Variants in STAG1 observed in about 807,000 individuals in gnomAD.
The protein encoded by STAG1 is cohesin subunit SA-1.
In STAG1, 26 loss-of-function variants were observed where a neutral mutation model predicts 170.9. The ratio of observed to expected loss-of-function variants is 0.15; its 90% CI spans 0.11 to 0.21. The LOEUF (loss-of-function observed/expected upper bound fraction) is 0.21. Among genes scored for constraint, STAG1 ranks in the 10% least tolerant of loss-of-function variants. The pLI is 1.00. For synonymous variants in STAG1, 514 were observed against 497.7 expected, an observed-to-expected ratio of 1.03 and a Z score of -0.44; for missense variants, 964 against 1,509.5, an observed-to-expected ratio of 0.64 and a Z score of 5.99.
intron 1 of STAG1, among the ~76,000 whole-genome samples, chr3:136,714,981 T>C (rs1205214633): frequency 3.7e-5 from 4 of 109,552 alleles, no homozygotes; most frequent in Non-Finnish European, 6.2e-5. Context: ...TATATATTTT[T>C]ATATATATAT....
intron 13 of STAG1, among the ~76,000 whole-genome samples, chr3:136,463,695 C>A (rs575200458): frequency 7.2e-6 from 1 of 139,816 alleles, no homozygotes; most frequent in Non-Finnish European, 1.5e-5. Flanking sequence ...CTGGGCAAGA[C>A]AGCAAGACCC....
In STAG1 at chr3:136,579,441, G is replaced by A. The variant is rs192573835; in HGVS notation, c.298-10580C>T. On this transcript the variant is annotated intron_variant, in intron 4 of 33. Transcript: ENST00000383202. ...TTAGGCTGCAATCAAGGCACTTACCGTGCTGCATTCTAATCTGGATGCTCA... is the reference window on the plus strand; with the variant it reads ...TTAGGCTGCAATCAAGGCACTTACCATGCTGCATTCTAATCTGGATGCTCA... Among the ~76,000 whole-genome samples, 42 of 152,234 alleles carry A rather than the reference G, an allele frequency of 2.8e-4. No homozygotes were observed. In the East Asian group the frequency reaches 6.9e-3, roughly 25 times the overall value.
intron 12 of STAG1, 150 bp from the exon 13 acceptor site, chr3:136,465,138 T>C: frequency 1.8e-6 from 1 of 542,910 alleles, no homozygotes; most frequent in East Asian, 3.2e-5. Flanking sequence ...ATGTTTCCCC[T>C]TTAAGTATAA....
In STAG1 at chr3:136,734,271, C is replaced by T. The variant is rs1157849932; in HGVS notation, c.-84+17924G>A. On this transcript the variant is annotated intron_variant, in intron 1 of 33. Transcript: ENST00000383202. The stretch of plus-strand genomic sequence containing the variant: ...CCTGATATAATCATGGTCAACTAAG[C>T]TTCATGATAAAAGAGAGAGGCAGGT... Among the ~76,000 whole-genome samples, 3 of 152,060 alleles carry T rather than the reference C, an allele frequency of 2.0e-5. No homozygotes were observed. The East Asian group carries it at 5.8e-4, about 29-fold the overall frequency.
At chr3:136,585,959 A>G (rs1374996641) in intron 4 of STAG1, among the ~76,000 whole-genome samples, 2 of 152,230 alleles carry the variant, frequency 1.3e-5, no homozygotes, top group Admixed American at 1.3e-4. Flanking sequence ...AAATTTATTG[A>G]GAAAGAATTT....
chr3:136,590,128 A>G (rs1938081779), intron 4 of STAG1, among the ~76,000 whole-genome samples: 1 of 151,286 alleles, frequency 6.6e-6, no homozygotes, highest in Admixed American at 6.6e-5. Flanking sequence ...GTCTCTAAAT[A>G]AATAAAATAA....
chr3:136,624,406 TG>T (rs1404330150), intron 2 of STAG1, among the ~76,000 whole-genome samples: 4 of 152,152 alleles, frequency 2.6e-5, no homozygotes, highest in African/African-American at 9.6e-5. Flanking sequence ...AGCCAATTAT[TG>T]GAATCTAACC....
intron 9 of STAG1, among the ~76,000 whole-genome samples, chr3:136,477,963 T>G (rs2089797715): frequency 6.6e-6 from 1 of 152,070 alleles, no homozygotes; most frequent in Admixed American, 6.6e-5. Flanking sequence ...GTAATTTTTG[T>G]ATTTTTAGTA....
At chr3:136,499,881 CAAG>C (rs946120234) in intron 9 of STAG1, 2 of 164,334 alleles carry the variant, frequency 1.2e-5, no homozygotes, top group African/African-American at 4.8e-5. Flanking sequence ...TACCACAGAG[CAAG>C]AAGTAGGGCA....
intron 7 of STAG1, among the ~76,000 whole-genome samples, chr3:136,512,400 C>A (rs1934114901): frequency 1.3e-5 from 2 of 152,130 alleles, no homozygotes; most frequent in Non-Finnish European, 2.9e-5. Context: ...GTGTTATGGT[C>A]TGAAAATAGG....
intron 3 of STAG1, among the ~76,000 whole-genome samples, chr3:136,619,744 G>A (rs897398460): frequency 8.6e-5 from 10 of 115,890 alleles, no homozygotes; most frequent in South Asian, 3.1e-4. Context: ...GCAACAGCGC[G>A]AGACTCTGTC....
At chr3:136,635,188 T>A (rs1307128398) in intron 1 of STAG1, among the ~76,000 whole-genome samples, 1 of 152,106 alleles carries the variant, frequency 6.6e-6, no homozygotes, top group Admixed American at 6.5e-5. Context: ...CACATCAATA[T>A]CTCTAATAAA....
chr3:136,601,054 T>C (rs556085097), intron 4 of STAG1, among the ~76,000 whole-genome samples: 1 of 151,916 alleles, frequency 6.6e-6, no homozygotes, highest in East Asian at 1.9e-4. Flanking sequence ...AGAGACAGGG[T>C]TTCACCATGT....
chr3:136,710,151 C>A (rs182961004), intron 1 of STAG1, among the ~76,000 whole-genome samples: 214 of 152,272 alleles, frequency 1.4e-3, no homozygotes, highest in Non-Finnish European at 2.4e-3. Flanking sequence ...GCTACATATA[C>A]CCCTGGAAAC....
intron 1 of STAG1, among the ~76,000 whole-genome samples, chr3:136,675,562 C>T (rs983376371): frequency 2.0e-5 from 3 of 152,144 alleles, no homozygotes; most frequent in Admixed American, 6.5e-5. Flanking sequence ...ATACAATTCA[C>T]GTGCTATAAA....
At chr3:136,644,509 T>C (rs1559927354) in intron 1 of STAG1, among the ~76,000 whole-genome samples, 2 of 152,128 alleles carry the variant, frequency 1.3e-5, no homozygotes, top group South Asian at 2.1e-4. Flanking sequence ...CAATGAGATA[T>C]AAAAAACCCA....
chr3:136,722,025 C>A (rs569590976), intron 1 of STAG1, among the ~76,000 whole-genome samples: 161 of 152,054 alleles, frequency 1.1e-3, no homozygotes, highest in African/African-American at 3.7e-3. Context: ...AGTTTGAGAC[C>A]AGCCAAGGCA....
Position 136,373,184 on chromosome 3 carries a change from C to T in STAG1, c.2371-3902G>A, listed in dbSNP as rs767311455. On this transcript the variant is annotated intron_variant, in intron 23 of 33. Transcript: ENST00000383202. ...ATGGTAGTTTGTATTTCTGTAGGAT[C>T]GGTGGTGATATCCCCTTTGTCATTT... Among the ~76,000 whole-genome samples the T allele has an allele frequency of 1.4e-4, 22 of 152,246 alleles. No homozygotes were observed. The Middle Eastern group carries it at 0.01, about 71-fold the overall frequency.
intron 9 of STAG1, among the ~76,000 whole-genome samples, chr3:136,496,277 C>A (rs1933083537): frequency 6.6e-6 from 1 of 152,152 alleles, no homozygotes; most frequent in African/African-American, 2.4e-5. Context: ...ACACTATTAA[C>A]CAATTTGACC....
Sources: gnomAD v4.1 joint callset for allele counts (sites outside exome capture counted in the v4.1 genomes callset) on GRCh38, gnomAD v4.1.1 for gene constraint, MANE v1.5 for transcripts, NCBI Gene and HGNC (gene_info 2026-07-23, HGNC 2026-07-21) for gene names.